The following THSD7B variants were observed in gnomAD, a reference collection of about 807,000 sequenced individuals.
THSD7B encodes thrombospondin type-1 domain-containing protein 7B.
In THSD7B, 138 loss-of-function variants were observed where a neutral mutation model predicts 213.6. The observed-to-expected ratio is 0.65, with a 90% confidence interval of 0.56 to 0.74. The LOEUF (loss-of-function observed/expected upper bound fraction) is 0.74, where lower values mean the gene tolerates loss of function less well. Ranked by LOEUF, THSD7B falls within the 30% of genes least tolerant of loss-of-function variation. The pLI, the probability that THSD7B is intolerant of heterozygous loss-of-function variation, is 0.00. For missense variants in THSD7B, 1,931 were observed against 1,991.5 expected, an observed-to-expected ratio of 0.97 and a Z score of 0.58; for synonymous variants, 742 against 687.0, an observed-to-expected ratio of 1.08 and a Z score of -1.25.
intron 2 of THSD7B, among the ~76,000 whole-genome samples, chr2:136,971,471 AAATAACTATAGGCAAAAAGC>A (rs1220284475): frequency 6.6e-6 from 1 of 152,124 alleles, no homozygotes; most frequent in Non-Finnish European, 1.5e-5. Context: ...GTGTAGGAAG[AAATAACTATAGGCAAAAAGC>A]AATCTAAGCA....
At chr2:136,829,513 G>A (rs550776394) in intron 1 of THSD7B, among the ~76,000 whole-genome samples, 42 of 152,164 alleles carry the variant, frequency 2.8e-4, no homozygotes, top group Admixed American at 2.6e-3. Flanking sequence ...CACTGCATGG[G>A]GCAGGTGTGC....
rs543256552 is a variant in THSD7B, at chr2:137,604,621, TCA to T, written c.3424-11551_3424-11550del. 1.3e-3 allele frequency among the ~76,000 whole-genome samples: 191 copies of T among 152,328 alleles called. 8 individuals are homozygous for T. In the South Asian group the frequency reaches 0.039, roughly 31 times the overall value. On this transcript the variant is annotated intron_variant, in intron 17 of 27. Coordinates refer to ENST00000409968, the MANE Select transcript of THSD7B (RefSeq NM_001316349.2). The stretch of plus-strand genomic sequence containing the variant: ...AAAAATCACTTATTCCCATGGAAAC[TCA>T]CAGTGTCAGTTGCCAGGGACCCTCT...
At chr2:136,871,417 A>T (rs1243510578) in intron 1 of THSD7B, among the ~76,000 whole-genome samples, 1 of 152,176 alleles carries the variant, frequency 6.6e-6, no homozygotes, top group Non-Finnish European at 1.5e-5. Context: ...TGAGAAAGAC[A>T]TACCAGAAAT....
intron 21 of THSD7B, among the ~76,000 whole-genome samples, chr2:137,650,150 A>G (rs1180229349): frequency 6.6e-6 from 1 of 152,172 alleles, no homozygotes; most frequent in African/African-American, 2.4e-5. Context: ...TGGGGATTGC[A>G]CTAGATCTGT....
At chr2:137,142,274 G>A (rs954397937) in intron 5 of THSD7B, among the ~76,000 whole-genome samples, 2 of 152,130 alleles carry the variant, frequency 1.3e-5, no homozygotes, top group African/African-American at 2.4e-5. Flanking sequence ...CAGAAGGACA[G>A]AGAGAGAATG....
chr2:137,357,774 T>A (rs928039322), intron 12 of THSD7B, among the ~76,000 whole-genome samples: 1 of 152,186 alleles, frequency 6.6e-6, no homozygotes, highest in African/African-American at 2.4e-5. Flanking sequence ...AACAGTGCTA[T>A]AGGAGGAGGC....
chr2:137,559,221 G>T (rs990304964), intron 15 of THSD7B, among the ~76,000 whole-genome samples: 1 of 152,048 alleles, frequency 6.6e-6, no homozygotes, highest in Non-Finnish European at 1.5e-5. Context: ...CTACTTTAAA[G>T]TTCATATGGA....
chr2:136,820,806 A>G, intron 1 of THSD7B, among the ~76,000 whole-genome samples: 1 of 152,238 alleles, frequency 6.6e-6, no homozygotes, highest in East Asian at 1.9e-4. Flanking sequence ...TGAAAGTAAA[A>G]CATTATGATG....
intron 12 of THSD7B, among the ~76,000 whole-genome samples, chr2:137,308,678 A>G (rs1470242213): frequency 1.3e-5 from 2 of 152,076 alleles, no homozygotes; most frequent in African/African-American, 2.4e-5. Flanking sequence ...AAAAAATCCC[A>G]TTGTTTCATA....
intron 17 of THSD7B, among the ~76,000 whole-genome samples, chr2:137,600,867 CCTT>C (rs1682064057): frequency 6.6e-6 from 1 of 152,172 alleles, no homozygotes; most frequent in Non-Finnish European, 1.5e-5. Flanking sequence ...CCCCTGAAGA[CCTT>C]CTAGTAGGAC....
intron 3 of THSD7B, among the ~76,000 whole-genome samples, chr2:137,089,412 A>G (rs1468684734): frequency 1.4e-5 from 2 of 143,336 alleles, no homozygotes; most frequent in African/African-American, 5.2e-5. Flanking sequence ...ACATATACAC[A>G]CACATATATG....
At chr2:136,833,415 A>C (rs2104949193) in intron 1 of THSD7B, among the ~76,000 whole-genome samples, 1 of 126,582 alleles carries the variant, frequency 7.9e-6, no homozygotes, top group African/African-American at 2.8e-5. Context: ...TTATATGCAT[A>C]GATCTTGATT....
intron 17 of THSD7B, among the ~76,000 whole-genome samples, chr2:137,614,118 T>C (rs1450691317): frequency 6.6e-6 from 1 of 152,064 alleles, no homozygotes; most frequent in Non-Finnish European, 1.5e-5. Context: ...TAAGGTGCAG[T>C]GTTGGTTTTC....
In THSD7B at chr2:137,621,409, A is replaced by C. The variant is rs190700481; in HGVS notation, c.3799+683A>C. Among the ~76,000 whole-genome samples the C allele has an allele frequency of 2.0e-5, 3 of 152,338 alleles. No homozygotes were observed. In the East Asian group the frequency reaches 5.8e-4, roughly 29 times the overall value. On this transcript the variant is annotated intron_variant, in intron 20 of 27. Transcript: ENST00000409968. The stretch of plus-strand genomic sequence containing the variant: ...CATTATCACATAATGTTGTAAAGGA[A>C]AGGTAGTATAAATCTTTGGGAAGAA...
intron 21 of THSD7B, among the ~76,000 whole-genome samples, chr2:137,644,472 G>A (rs73961020): frequency 0.01 from 1,545 of 152,064 alleles, 30 homozygotes; most frequent in African/African-American, 0.035. Flanking sequence ...AAAGCCCACC[G>A]AAAATGACAT....
intron 3 of THSD7B, among the ~76,000 whole-genome samples, chr2:137,077,079 G>A (rs989381746): frequency 1.3e-5 from 2 of 148,542 alleles, no homozygotes; most frequent in East Asian, 4.1e-4. Context: ...TGCAGTGTTT[G>A]GTTTTTTTGT....
chr2:136,873,805 G>T (rs1479476208), intron 1 of THSD7B, among the ~76,000 whole-genome samples: 3 of 152,106 alleles, frequency 2.0e-5, no homozygotes, highest in African/African-American at 7.2e-5. Context: ...ATTCCTAAGG[G>T]TTATCAATGA....
chr2:137,565,490 A>G (rs1057250830), intron 16 of THSD7B, among the ~76,000 whole-genome samples: 3 of 152,190 alleles, frequency 2.0e-5, no homozygotes, highest in Admixed American at 2.0e-4. Context: ...ACTCACTTGC[A>G]TAAGAACTCA....
At chr2:136,907,093 C>T (rs558599680) in intron 2 of THSD7B, among the ~76,000 whole-genome samples, 3 of 151,658 alleles carry the variant, frequency 2.0e-5, no homozygotes, top group African/African-American at 4.8e-5. Context: ...TACAGGCACT[C>T]GCCACCATGC....
Sources: allele counts gnomAD v4.1 joint callset (sites outside exome capture counted in the v4.1 genomes callset), GRCh38; gene constraint gnomAD v4.1.1; transcripts MANE v1.5; gene names NCBI Gene and HGNC (gene_info 2026-07-23, HGNC 2026-07-21).